The following SPATA6 variants were observed in gnomAD, a reference collection of about 807,000 sequenced individuals.
The protein encoded by SPATA6 is spermatogenesis associated 6.
SPATA6 carries 56 observed loss-of-function variants against 65.3 expected under a neutral mutation model. That is an observed-to-expected ratio of 0.86 (90% CI 0.69 to 1.07). SPATA6 has a LOEUF of 1.07. Among genes scored for constraint, SPATA6 ranks in the 50% least tolerant of loss-of-function variants. The probability of loss-of-function intolerance (pLI) is 0.00; values close to 1 mark genes in which losing one functional copy is unlikely to be tolerated. For missense variants in SPATA6, 590 were observed against 594.8 expected, an observed-to-expected ratio of 0.99 and a Z score of 0.08; for synonymous variants, 199 against 213.2, an observed-to-expected ratio of 0.93 and a Z score of 0.58.
chr1:48,411,437 C>A, intron 5 of SPATA6, 27 bp downstream of exon 5: 1 of 1,593,312 alleles, frequency 6.3e-7, no homozygotes, highest in Non-Finnish European at 8.6e-7. Flanking sequence ...CCATCAAAAA[C>A]TGATTCAGAA....
At chr1:48,389,140 T>C (rs1320305150) in intron 8 of SPATA6, among the ~76,000 whole-genome samples, 1 of 152,160 alleles carries the variant, frequency 6.6e-6, no homozygotes, top group Admixed American at 6.5e-5. Context: ...CCATCGTGCC[T>C]GGCCTACAAA....
intron 3 of SPATA6, among the ~76,000 whole-genome samples, chr1:48,438,846 A>T (rs948837371): frequency 6.6e-6 from 1 of 152,138 alleles, no homozygotes; most frequent in African/African-American, 2.4e-5. Flanking sequence ...TGAGCTCACC[A>T]ATCATAAAGA....
chr1:48,470,098 T>C lies in SPATA6; in HGVS notation c.51+1860A>G, dbSNP rs186668075. 6.6e-5 allele frequency among the ~76,000 whole-genome samples: 10 copies of C among 152,344 alleles called. No individual in the cohort carries two copies. In the East Asian group the frequency reaches 1.7e-3, roughly 26 times the overall value. Reference sequence around the variant, plus strand: ...CCATCATAGTTTTCTTTAGCTCTGATAAGTAACAAAGCTCCGTTATACAGT... The same window carrying C: ...CCATCATAGTTTTCTTTAGCTCTGACAAGTAACAAAGCTCCGTTATACAGT... On this transcript the variant is annotated intron_variant, in intron 1 of 12. Coordinates refer to ENST00000371847, the MANE Select transcript of SPATA6 (RefSeq NM_019073.4).
At chr1:48,338,542 C>G (rs979992760) in intron 11 of SPATA6, among the ~76,000 whole-genome samples, 2 of 151,970 alleles carry the variant, frequency 1.3e-5, no homozygotes, top group Admixed American at 1.3e-4. Flanking sequence ...AGGCTTTTAA[C>G]CTGGAGATAC....
At chr1:48,292,925 C>T (rs1237996696), downstream of SPATA6, among the ~76,000 whole-genome samples, 1 of 152,180 alleles carries the variant, frequency 6.6e-6, no homozygotes, top group Non-Finnish European at 1.5e-5. Context: ...GGCAGCTCCA[C>T]TGGAGGTAAA....
intron 10 of SPATA6, among the ~76,000 whole-genome samples, chr1:48,358,235 A>C (rs918971797): frequency 6.6e-6 from 1 of 152,140 alleles, no homozygotes; most frequent in Admixed American, 6.6e-5. Context: ...ATTGCATACA[A>C]AGATAAAGTA....
intron 3 of SPATA6, among the ~76,000 whole-genome samples, chr1:48,434,682 T>C (rs1332857753): frequency 3.9e-5 from 6 of 152,058 alleles, no homozygotes; most frequent in Non-Finnish European, 5.9e-5. Context: ...AGAACATCTG[T>C]GGTGCACTTA....
Position 48,462,642 on chromosome 1 carries a change from C to T in SPATA6, c.51+9316G>A, listed in dbSNP as rs544293876. Among the ~76,000 whole-genome samples the T allele has an allele frequency of 2.0e-5, 3 of 152,280 alleles. No individual in the cohort carries two copies. The South Asian group carries it at 6.2e-4, about 32-fold the overall frequency. On this transcript the variant is annotated intron_variant, in intron 1 of 12. Transcript: ENST00000371847. Reference sequence around the variant, plus strand: ...TGTGATAATGACAGATAGAGCCATACATCCAACAAATGAGATTATATATTA... The same window carrying T: ...TGTGATAATGACAGATAGAGCCATATATCCAACAAATGAGATTATATATTA...
At chr1:48,441,927 C>T (rs140032242) in intron 3 of SPATA6, among the ~76,000 whole-genome samples, 6 of 152,336 alleles carry the variant, frequency 3.9e-5, no homozygotes, top group African/African-American at 1.4e-4. Flanking sequence ...CCAGGAGCTA[C>T]TCCTTGAGGG....
chr1:48,300,514 G>A (rs1035437290), intron 12 of SPATA6, among the ~76,000 whole-genome samples: 3 of 151,966 alleles, frequency 2.0e-5, no homozygotes, highest in South Asian at 2.1e-4. Flanking sequence ...CTAATAAGAA[G>A]TCTACTCAAA....
At chr1:48,353,741 G>A (rs1162234266) in intron 11 of SPATA6, among the ~76,000 whole-genome samples, 2 of 151,796 alleles carry the variant, frequency 1.3e-5, no homozygotes, top group Admixed American at 1.3e-4. Flanking sequence ...CTTGAAATGT[G>A]ACCCCTAGCT....
intron 9 of SPATA6, among the ~76,000 whole-genome samples, chr1:48,383,747 CG>C (rs1489982642): frequency 1.7e-5 from 1 of 58,794 alleles, no homozygotes; most frequent in Admixed American, 1.8e-4. Flanking sequence ...GATGGGCGGC[CG>C]GGCAGAGACG....
At chr1:48,276,963 T>C in the SPATA6 span, among the ~76,000 whole-genome samples, 81 of 152,216 alleles carry the variant, frequency 5.3e-4, no homozygotes, top group African/African-American at 1.9e-3. Flanking sequence ...GGAAGTCTAA[T>C]TCTCTTTGTA....
At chr1:48,275,066 G>C in the SPATA6 span, among the ~76,000 whole-genome samples, 1 of 152,126 alleles carries the variant, frequency 6.6e-6, no homozygotes, top group Non-Finnish European at 1.5e-5. Flanking sequence ...TTTCTTGTAA[G>C]TTTTATTCCT....
intron 3 of SPATA6, among the ~76,000 whole-genome samples, chr1:48,420,958 A>G (rs1392392364): frequency 6.6e-6 from 1 of 152,218 alleles, no homozygotes; most frequent in Non-Finnish European, 1.5e-5. Context: ...ATGATGCATT[A>G]TCTCACTCAT....
the SPATA6 span, among the ~76,000 whole-genome samples, chr1:48,282,233 A>G: frequency 6.6e-6 from 1 of 152,228 alleles, no homozygotes; most frequent in African/African-American, 2.4e-5. Flanking sequence ...TAAAAACCCT[A>G]GAAGAAAACC....
the SPATA6 span, among the ~76,000 whole-genome samples, chr1:48,267,752 G>GTTTGTTT: frequency 1.4e-5 from 1 of 72,676 alleles, no homozygotes; most frequent in South Asian, 7.0e-4. Context: ...TAGGGTCTGG[G>GTTTGTTT]TTTTTTTTTT....
chr1:48,374,561 C>T (rs907578924), intron 9 of SPATA6, among the ~76,000 whole-genome samples: 3 of 152,120 alleles, frequency 2.0e-5, no homozygotes, highest in African/African-American at 7.2e-5. Context: ...CAGTAAATAA[C>T]TTGGTTATTT....
rs1451650460 is a variant in SPATA6, at chr1:48,307,851, TTTAGTA to T, written c.1195-1979_1195-1974del. ...CCGTTATAAAATATTTTTATTTGTC[TTTAGTA>T]TTAGTAAGAAAAAAATTCTCTTAAA... On this transcript the variant is annotated intron_variant, in intron 11 of 12. Transcript: ENST00000371847. 5.9e-5 allele frequency among the ~76,000 whole-genome samples: 9 copies of T among 152,072 alleles called. No homozygotes were observed. The East Asian group carries it at 7.7e-4, about 13-fold the overall frequency.
Sources: allele counts gnomAD v4.1 joint callset (sites outside exome capture counted in the v4.1 genomes callset), GRCh38; gene constraint gnomAD v4.1.1; transcripts MANE v1.5; gene names NCBI Gene and HGNC (gene_info 2026-07-23, HGNC 2026-07-21).